Variants in TERF2IP observed in about 807,000 individuals in gnomAD.
TERF2IP encodes the protein telomeric repeat-binding factor 2-interacting protein 1.
In TERF2IP, 35 loss-of-function variants were observed where a neutral mutation model predicts 33.3. The ratio of observed to expected loss-of-function variants is 1.05; its 90% confidence interval spans 0.80 to 1.39. The LOEUF (loss-of-function observed/expected upper bound fraction) is 1.39, where lower values mean the gene tolerates loss of function less well. TERF2IP is among the 40% of genes most tolerant of loss of function. The probability of loss-of-function intolerance (pLI) is 0.00; values close to 1 mark genes in which losing one functional copy is unlikely to be tolerated. For synonymous variants in TERF2IP, 253 were observed against 223.2 expected (o/e 1.13, Z -1.19); for missense variants, 583 against 524.8 (o/e 1.11, Z -1.08).
intron 1 of TERF2IP, among the ~76,000 whole-genome samples, chr16:75,653,002 G>A (rs1244142996): frequency 1.3e-5 from 2 of 152,006 alleles, no homozygotes; most frequent in Non-Finnish European, 2.9e-5. Context: ...CATACAAGTA[G>A]AATCATGTAA....
Position 75,656,872 on chromosome 16 carries a change from G to T in TERF2IP, c.*261G>T. The T allele has an allele frequency of 2.2e-6, 1 of 449,684 alleles. No individual in the cohort carries two copies. The allele number at this position is 449,684 out of a possible 1,614,324, so 27.9% of individuals were successfully genotyped here. The stretch of plus-strand genomic sequence containing the variant: ...TGAAAGGAAGATCTAAATCAGACAG[G>T]AGTTGGTCTACATAGTAGTAATCCA... On this transcript the variant is annotated 3_prime_UTR_variant, in exon 3 of 3. Transcript: ENST00000300086.
At chr16:75,650,126 A>G (rs1280430483) in intron 1 of TERF2IP, among the ~76,000 whole-genome samples, 2 of 152,236 alleles carry the variant, frequency 1.3e-5, no homozygotes, top group South Asian at 2.1e-4. Context: ...TCCTGCTGGA[A>G]TATAACAATA....
rs1270428868 is a variant in TERF2IP, at chr16:75,657,300, G to C, written c.*689G>C. On this transcript the variant is annotated 3_prime_UTR_variant, in exon 3 of 3. Transcript: ENST00000300086. ...AACTCTAGAGAGTGTTAAGAATAATGTTACTTGGTTAATGTGTTATTTATT... is the reference window on the plus strand; with the variant it reads ...AACTCTAGAGAGTGTTAAGAATAATCTTACTTGGTTAATGTGTTATTTATT... 1.3e-5 allele frequency: 2 copies of C among 152,110 alleles called. No individual in the cohort carries two copies. The highest frequency in any genetic ancestry group is 4.8e-5 in the African/African-American group (2 of 41,420). 9.4% of individuals were successfully genotyped at this position (152,110 alleles called of 1,614,324 possible). A position where few individuals can be genotyped will look rare whatever the true frequency, so the allele number is the denominator to read the frequency against.
chr16:75,650,654 G>C (rs1048804823), intron 1 of TERF2IP, among the ~76,000 whole-genome samples: 2 of 152,152 alleles, frequency 1.3e-5, no homozygotes, highest in Admixed American at 6.6e-5. Context: ...TCCCACCTCA[G>C]CTTTCCAAGT....
intron 1 of TERF2IP, chr16:75,648,776 A>G: frequency 7.8e-7 from 1 of 1,279,034 alleles, no homozygotes; most frequent in Non-Finnish European, 1.0e-6. Flanking sequence ...GCTGGTCTGA[A>G]CTCCTGAGCT....
intron 2 of TERF2IP, 107 bp from the exon 3 acceptor site, chr16:75,656,100 G>A (rs1404734530): frequency 1.9e-6 from 2 of 1,080,680 alleles, no homozygotes; most frequent in South Asian, 3.1e-5. Context: ...GAAGTCCAGT[G>A]TGATTGGAAT....
chr16:75,648,597 G>T, intron 1 of TERF2IP, 45 bp downstream of exon 1: 1 of 1,476,662 alleles, frequency 6.8e-7, no homozygotes, highest in Non-Finnish European at 9.0e-7. Flanking sequence ...TGCGCGGGTG[G>T]GGTTGGGATC....
Position 75,648,311 on chromosome 16 carries a change from C to A in TERF2IP, c.429C>A (p.Ala143=). 2 of 1,561,104 alleles carry A rather than the reference C, an allele frequency of 1.3e-6. No individual in the cohort carries two copies. The highest frequency in any genetic ancestry group is 8.7e-7 in the Non-Finnish European group (1 of 1,152,378). The stretch of plus-strand genomic sequence containing the variant: ...CCTTCACGGATGCGGACGACGTAGC[C>A]ATCCTTACCTACGTGAAGGAAAATG... The part of the protein sequence containing the change: ...RIAFTDADDV[A]ILTYVKENAR... Residue 143 remains alanine, a synonymous_variant, in exon 1 of 3, where the codon GCC becomes GCA. Transcript: ENST00000300086.
intron 1 of TERF2IP, 59 bp downstream of exon 1, chr16:75,648,611 C>T: frequency 6.9e-7 from 1 of 1,455,860 alleles, no homozygotes; most frequent in Non-Finnish European, 9.1e-7. Context: ...TGGGATCTTT[C>T]TCCTGGCTGC....
At position 75,657,379 on chromosome 16, in the gene TERF2IP, TCC is replaced by T. The variant is rs937399320; in HGVS notation, c.*769_*770del. 6.6e-6 allele frequency: 1 copy of T among 152,238 alleles called. No individual in the cohort carries two copies. The highest frequency in any genetic ancestry group is 2.4e-5 in the African/African-American group (1 of 41,450). 9.4% of individuals were successfully genotyped at this position (152,238 alleles called of 1,614,324 possible). On this transcript the variant is annotated 3_prime_UTR_variant, in exon 3 of 3. Coordinates refer to ENST00000300086, the MANE Select transcript of TERF2IP (RefSeq NM_018975.4). ...AGATTTAAAAAATTAGTGGATTGACTCCACTTTGTTGTGTTGTTTTCATTGTT... is the reference window on the plus strand; with the variant it reads ...AGATTTAAAAAATTAGTGGATTGACTACTTTGTTGTGTTGTTTTCATTGTT...
intron 1 of TERF2IP, 67 bp from the exon 2 acceptor site, chr16:75,654,206 A>C: frequency 7.1e-7 from 1 of 1,406,654 alleles, no homozygotes; most frequent in Non-Finnish European, 9.5e-7. Flanking sequence ...GAGCTCACAC[A>C]GCAAATATAT....
At chr16:75,648,574 C>A in intron 1 of TERF2IP, 22 bp downstream of exon 1, 2 of 1,513,024 alleles carry the variant, frequency 1.3e-6, no homozygotes, top group Middle Eastern at 1.7e-4. Flanking sequence ...GAGCGCGGGG[C>A]CTCGCGGATA....
chr16:75,650,384 A>G (rs932709103), intron 1 of TERF2IP, among the ~76,000 whole-genome samples: 4 of 152,164 alleles, frequency 2.6e-5, no homozygotes, highest in African/African-American at 9.7e-5. Flanking sequence ...CTTAGGTGGG[A>G]GTATGGCTGG....
chr16:75,650,984 G>T (rs963477622), intron 1 of TERF2IP, among the ~76,000 whole-genome samples: 2 of 152,158 alleles, frequency 1.3e-5, no homozygotes, highest in Non-Finnish European at 2.9e-5. Flanking sequence ...ATTCTAAAAT[G>T]AGTAAGAGAA....
rs1269374185 is a variant in TERF2IP, at chr16:75,648,056, G to T, written c.174G>T (p.Glu58Asp). The part of the protein sequence containing the change: ...HGGGTVCRVQ[E>D]PGAVLLAQPG... ...GCGGCACCGTGTGCCGAGTGCAGGA[G>T]CCCGGGGCCGTGCTGCTGGCCCAGC... Residue 58 changes from glutamate (E) to aspartate (D), a missense_variant, in exon 1 of 3, where the codon GAG becomes GAT. Transcript: ENST00000300086. The T allele has an allele frequency of 6.3e-7, 1 of 1,596,744 alleles. No homozygotes were observed.
At chr16:75,654,148 T>TACA in intron 1 of TERF2IP, 125 bp from the exon 2 acceptor site, 3 of 289,726 alleles carry the variant, frequency 1.0e-5, no homozygotes, top group East Asian at 1.5e-4. Context: ...CTTCTGATAG[T>TACA]AAAAAAAAAA....
At chr16:75,648,668 C>T (rs750815262) in intron 1 of TERF2IP, 116 bp downstream of exon 1, 2 of 1,434,848 alleles carry the variant, frequency 1.4e-6, no homozygotes, top group East Asian at 2.5e-5. Context: ...GGCCCCGCCC[C>T]CTGTTGACAT....
chr16:75,656,128 G>A (rs2082383703), intron 2 of TERF2IP, 79 bp from the exon 3 acceptor site: 1 of 1,397,724 alleles, frequency 7.2e-7, no homozygotes. Flanking sequence ...GCAAGGGGGT[G>A]ATAGTTGGAA....
chr16:75,656,121 AG>A (rs1024199998), intron 2 of TERF2IP, 85 bp from the exon 3 acceptor site: 64 of 1,333,604 alleles, frequency 4.8e-5, no homozygotes, highest in South Asian at 5.7e-5. Context: ...GCAGAGGGCA[AG>A]GGGGTGATAG....
Sources: allele counts gnomAD v4.1 joint callset (sites outside exome capture counted in the v4.1 genomes callset), GRCh38; gene constraint gnomAD v4.1.1; transcripts MANE v1.5; gene names NCBI Gene and HGNC (gene_info 2026-07-23, HGNC 2026-07-21).